MIER1: variants seen among roughly 807,000 people sequenced by gnomAD.
MIER1 encodes MIER1 transcriptional regulator.
MIER1 carries 40 observed loss-of-function variants against 75.7 expected under a neutral mutation model. That is an observed-to-expected ratio of 0.53 (90% CI 0.41 to 0.69). MIER1 has a LOEUF of 0.69. Among genes scored for constraint, MIER1 ranks in the 30% least tolerant of loss-of-function variants. The probability of loss-of-function intolerance (pLI) is 0.00; values close to 1 mark genes in which losing one functional copy is unlikely to be tolerated. For synonymous variants in MIER1, 213 were observed against 223.4 expected (o/e 0.95, Z 0.42); for missense variants, 574 against 680.2 (o/e 0.84, Z 1.74).
intron 11 of MIER1, among the ~76,000 whole-genome samples, chr1:66,973,308 T>C (rs949067730): frequency 6.6e-6 from 1 of 152,058 alleles, no homozygotes; most frequent in Non-Finnish European, 1.5e-5. Context: ...TCTGTGACTG[T>C]TTTATGGAGG....
intron 12 of MIER1, among the ~76,000 whole-genome samples, chr1:66,979,624 T>G (rs1665492082): frequency 6.6e-6 from 1 of 152,244 alleles, no homozygotes; most frequent in African/African-American, 2.4e-5. Context: ...TGTCTGATTC[T>G]GCCCTTTCCT....
At position 66,986,432 on chromosome 1, in the gene MIER1, T is replaced by C. The variant is rs1490846673; in HGVS notation, c.*1532T>C. On this transcript the variant is annotated 3_prime_UTR_variant, in exon 14 of 14. Transcript: ENST00000401041. ...ACTCCAAATGCTTCTTCCAGTTCAT[T>C]TTTCAGCCATCAGTTCAAGAGCCAA... 6.2e-7 allele frequency: 1 copy of C among 1,613,260 alleles called. No homozygotes were observed. The highest frequency in any genetic ancestry group is 8.5e-7 in the Non-Finnish European group (1 of 1,179,508).
intron 4 of MIER1, among the ~76,000 whole-genome samples, chr1:66,949,170 A>C (rs1658345707): frequency 6.6e-6 from 1 of 152,200 alleles, no homozygotes; most frequent in Non-Finnish European, 1.5e-5. Flanking sequence ...GTACAGTAAT[A>C]AAATCTTGTA....
In MIER1 at chr1:66,985,199, G is replaced by A. The variant is rs1666622954; in HGVS notation, c.*299G>A. The A allele has an allele frequency of 5.1e-6, 5 of 978,724 alleles. No homozygotes were observed. The highest frequency in any genetic ancestry group is 4.9e-6 in the Non-Finnish European group (4 of 816,314). The allele number at this position is 978,724 out of a possible 1,614,324, so 60.6% of individuals were successfully genotyped here. A position where few individuals can be genotyped will look rare whatever the true frequency, so the allele number is the denominator to read the frequency against. The stretch of plus-strand genomic sequence containing the variant: ...CAGATTTACTAATTTTGGTAAATCT[G>A]AATGAACTAAAGATGTATCTGTACC... On this transcript the variant is annotated 3_prime_UTR_variant, in exon 14 of 14. Transcript: ENST00000401041.
intron 3 of MIER1, among the ~76,000 whole-genome samples, chr1:66,943,091 A>G (rs959445121): frequency 2.6e-5 from 4 of 152,182 alleles, no homozygotes; most frequent in Admixed American, 2.6e-4. Flanking sequence ...CTTTCTGCCT[A>G]CAAGGGAGAA....
chr1:66,986,356 A>C lies in MIER1; in HGVS notation c.*1456A>C. 2 of 1,592,074 alleles carry C rather than the reference A, an allele frequency of 1.3e-6. No homozygotes were observed. The highest frequency in any genetic ancestry group is 1.7e-6 in the Non-Finnish European group (2 of 1,171,336). On this transcript the variant is annotated 3_prime_UTR_variant, in exon 14 of 14. Coordinates refer to ENST00000401041, the MANE Select transcript of MIER1 (RefSeq NM_001077700.3). ...TTATATAGCTGATAGACCAACCTAT[A>C]TCCAAACTTTTATAAAATATTAATT...
chr1:66,967,488 G>A (rs1452752201), intron 8 of MIER1, among the ~76,000 whole-genome samples: 1 of 151,970 alleles, frequency 6.6e-6, no homozygotes, highest in African/African-American at 2.4e-5. Context: ...AGTCTTTTGT[G>A]GTTCCATATA....
At chr1:66,971,567 A>G in intron 9 of MIER1, 88 bp from the exon 10 acceptor site, 1 of 688,248 alleles carries the variant, frequency 1.5e-6, no homozygotes, top group South Asian at 1.8e-5. Flanking sequence ...AAGGATGAAA[A>G]CACTGGATGT....
intron 8 of MIER1, among the ~76,000 whole-genome samples, chr1:66,968,713 C>T (rs954696981): frequency 1.3e-5 from 2 of 152,184 alleles, no homozygotes; most frequent in African/African-American, 4.8e-5. Context: ...CTCCTTTGGA[C>T]TTGTATCTGT....
intron 2 of MIER1, chr1:66,930,279 G>T: frequency 6.5e-7 from 1 of 1,537,460 alleles, no homozygotes; most frequent in South Asian, 1.2e-5. Flanking sequence ...CAGTGGCGGC[G>T]GGAGCGGCAG....
At chr1:66,933,526 C>T (rs571046671) in intron 2 of MIER1, among the ~76,000 whole-genome samples, 1 of 152,190 alleles carries the variant, frequency 6.6e-6, no homozygotes, top group East Asian at 1.9e-4. Flanking sequence ...TTAAAATGGA[C>T]TCCTTGCTTA....
rs760754790 is a variant in MIER1, at chr1:66,984,857, T to C, written c.1655T>C (p.Val552Ala). 1.0e-5 allele frequency: 16 copies of C among 1,604,650 alleles called. No homozygotes were observed. Among genetic ancestry groups the C allele is most frequent in the Middle Eastern group, 1.7e-4 (1 of 6,006 alleles). ...TCTTCTGAATTTTTCCAAGAAGCAGTCTCACATGGGAAATTTGAAGAACTT... is the reference window on the plus strand; with the variant it reads ...TCTTCTGAATTTTTCCAAGAAGCAGCCTCACATGGGAAATTTGAAGAACTT... Reference protein sequence around the residue: ...PGSSEFFQEAVSHGKFEELEN... With the variant: ...PGSSEFFQEAASHGKFEELEN... Residue 552 changes from valine to alanine, a missense_variant, in exon 14 of 14, where the codon GTC becomes GCC. This residue lies in a region of MIER1 where 164 missense variants were observed against 154.3 expected (regional missense o/e 1.06). Coordinates refer to ENST00000401041, the MANE Select transcript of MIER1 (RefSeq NM_001077700.3).
intron 8 of MIER1, among the ~76,000 whole-genome samples, chr1:66,968,980 T>A (rs893101296): frequency 6.6e-6 from 1 of 152,190 alleles, no homozygotes; most frequent in South Asian, 2.1e-4. Flanking sequence ...ATAAGAACTT[T>A]CGTCTGCAGA....
chr1:66,946,753 T>G, intron 4 of MIER1: 1 of 985,698 alleles, frequency 1.0e-6, no homozygotes, highest in Non-Finnish European at 1.2e-6. Context: ...CCTATCAAGG[T>G]GACCAGTGAA....
chr1:66,937,245 A>G (rs934423445), intron 2 of MIER1, among the ~76,000 whole-genome samples: 1 of 152,046 alleles, frequency 6.6e-6, no homozygotes, highest in Non-Finnish European at 1.5e-5. Flanking sequence ...GGCAGGTATT[A>G]TTCCTATATT....
intron 12 of MIER1, among the ~76,000 whole-genome samples, chr1:66,981,025 A>G (rs1284652902): frequency 6.6e-6 from 1 of 152,162 alleles, no homozygotes; most frequent in African/African-American, 2.4e-5. Flanking sequence ...CTAGTGGTTT[A>G]GTAGCACTTT....
At chr1:66,975,922 G>C (rs539047706) in intron 11 of MIER1, among the ~76,000 whole-genome samples, 1 of 152,296 alleles carries the variant, frequency 6.6e-6, no homozygotes, top group East Asian at 1.9e-4. Context: ...CGTACTCTGT[G>C]AGTAAAAGTA....
rs1382745624 is a variant in MIER1, at chr1:66,987,967, C to T, written c.*3067C>T. Reference sequence around the variant, plus strand: ...ATATAATTTAAAAATAATGTGTTCCCGTATTTTGTAGTGGAGTTCATATCA... The same window carrying T: ...ATATAATTTAAAAATAATGTGTTCCTGTATTTTGTAGTGGAGTTCATATCA... On this transcript the variant is annotated 3_prime_UTR_variant, in exon 14 of 14. Transcript: ENST00000401041. 2.0e-5 allele frequency: 3 copies of T among 152,086 alleles called. No individual in the cohort carries two copies. Among genetic ancestry groups the T allele is most frequent in the Non-Finnish European group, 2.9e-5 (2 of 67,980 alleles). 9.4% of individuals were successfully genotyped at this position (152,086 alleles called of 1,614,324 possible).
chr1:66,970,553 C>G (rs570874309), intron 8 of MIER1, among the ~76,000 whole-genome samples: 1 of 152,090 alleles, frequency 6.6e-6, no homozygotes, highest in Non-Finnish European at 1.5e-5. Context: ...ACCAAGAGAG[C>G]TTGGAATTTG....
Sources: allele counts gnomAD v4.1 joint callset (sites outside exome capture counted in the v4.1 genomes callset), GRCh38; gene constraint gnomAD v4.1.1; regional missense constraint gnomAD v4.1.1; transcripts MANE v1.5; gene names NCBI Gene and HGNC (gene_info 2026-07-23, HGNC 2026-07-21).